TENM2: variants seen among roughly 807,000 people sequenced by gnomAD.
TENM2 encodes the protein teneurin transmembrane protein 2.
A neutral mutation model predicts 245.2 loss-of-function variants in TENM2; 52 were observed. The observed-to-expected ratio is 0.21, with a 90% CI of 0.17 to 0.27. The LOEUF is 0.27. TENM2 is among the 10% of genes least tolerant of loss of function. The probability of loss-of-function intolerance (pLI) is 1.00; values close to 1 mark genes in which losing one functional copy is unlikely to be tolerated. For synonymous variants in TENM2, 1,363 were observed against 1,438.9 expected (o/e 0.95, Z 1.19); for missense variants, 3,046 against 3,666.8 (o/e 0.83, Z 4.37).
intron 2 of TENM2, among the ~76,000 whole-genome samples, chr5:167,517,445 G>A (rs894469206): frequency 2.0e-5 from 3 of 152,100 alleles, no homozygotes; most frequent in African/African-American, 7.2e-5. Flanking sequence ...ATAATGGATG[G>A]TCTCAGAAGG....
At chr5:167,703,487 G>T (rs565038716) in intron 2 of TENM2, among the ~76,000 whole-genome samples, 1 of 133,408 alleles carries the variant, frequency 7.5e-6, no homozygotes, top group East Asian at 2.6e-4. Context: ...AGCCAAGATC[G>T]CACCAATGTA....
intron 2 of TENM2, among the ~76,000 whole-genome samples, chr5:167,422,128 T>G (rs1360692468): frequency 6.6e-6 from 1 of 152,188 alleles, no homozygotes; most frequent in African/African-American, 2.4e-5. Flanking sequence ...CCCTCTCCAT[T>G]AATAGGATAT....
At chr5:167,561,608 T>A (rs1014433176) in intron 2 of TENM2, among the ~76,000 whole-genome samples, 1 of 152,174 alleles carries the variant, frequency 6.6e-6, no homozygotes, top group Non-Finnish European at 1.5e-5. Context: ...AAATCAGAGA[T>A]GCTGCAAGAG....
chr5:168,004,632 T>A (rs963902279), intron 5 of TENM2, among the ~76,000 whole-genome samples: 3 of 152,066 alleles, frequency 2.0e-5, no homozygotes, highest in Admixed American at 1.3e-4. Context: ...CTTAATAAAG[T>A]ATCTGGACGG....
chr5:167,823,261 A>G (rs191393326), intron 2 of TENM2, among the ~76,000 whole-genome samples: 7 of 152,288 alleles, frequency 4.6e-5, no homozygotes, highest in Middle Eastern at 3.4e-3. Flanking sequence ...TCAGATGCTT[A>G]GAATGCTTAG....
At chr5:167,805,101 T>C (rs1766056875) in intron 2 of TENM2, among the ~76,000 whole-genome samples, 1 of 152,010 alleles carries the variant, frequency 6.6e-6, no homozygotes, top group African/African-American at 2.4e-5. Flanking sequence ...TTGAATAAAC[T>C]TGGAATAGGT....
intron 2 of TENM2, among the ~76,000 whole-genome samples, chr5:167,836,542 C>T (rs1000397975): frequency 1.6e-4 from 25 of 152,014 alleles, no homozygotes; most frequent in African/African-American, 5.6e-4. Context: ...TTTGTAGCTA[C>T]CTGACAAAAA....
At chr5:167,295,509 G>A (rs111746226) in intron 1 of TENM2, among the ~76,000 whole-genome samples, 9 of 152,276 alleles carry the variant, frequency 5.9e-5, no homozygotes, top group East Asian at 1.9e-4. Flanking sequence ...AGTGAGAGAC[G>A]GAAGAATTGC....
intron 5 of TENM2, among the ~76,000 whole-genome samples, chr5:168,031,446 C>T (rs2151953820): frequency 6.6e-6 from 1 of 152,304 alleles, no homozygotes; most frequent in South Asian, 2.1e-4. Flanking sequence ...GGACAGTTCA[C>T]ACAATAATTG....
intron 1 of TENM2, among the ~76,000 whole-genome samples, chr5:167,374,896 C>T (rs1224847230): frequency 1.3e-5 from 2 of 152,104 alleles, no homozygotes; most frequent in Admixed American, 6.5e-5. Context: ...TATTTTGATA[C>T]GTTCCGGGTT....
intron 9 of TENM2, among the ~76,000 whole-genome samples, chr5:168,112,607 G>GGGGA (rs1554199695): frequency 3.6e-5 from 1 of 27,500 alleles, no homozygotes; most frequent in South Asian, 9.3e-4. Flanking sequence ...TGCAGTGGGC[G>GGGGA]GGGGGGGGGT....
At chr5:167,857,647 A>G (rs992041102) in intron 2 of TENM2, among the ~76,000 whole-genome samples, 1 of 152,200 alleles carries the variant, frequency 6.6e-6, no homozygotes, top group African/African-American at 2.4e-5. Context: ...AGAAAACCCA[A>G]TATTTCAAAG....
chr5:167,399,636 C>T (rs745998063), intron 2 of TENM2, among the ~76,000 whole-genome samples: 7 of 152,086 alleles, frequency 4.6e-5, no homozygotes, highest in Non-Finnish European at 1.0e-4. Flanking sequence ...TTGTCACTTC[C>T]TAGCTTTTGG....
Position 167,322,930 on chromosome 5 carries a change from C to T in TENM2, c.226+37867C>T, listed in dbSNP as rs531927283. Among the ~76,000 whole-genome samples, 3 of 152,318 alleles carry T rather than the reference C, an allele frequency of 2.0e-5. No individual in the cohort carries two copies. In the East Asian group the frequency reaches 5.8e-4, roughly 29 times the overall value. ...CATCTCATAAATAGCGGGGTATTTC[C>T]TTTAGCAATTATAATTCACAGAATA... On this transcript the variant is annotated intron_variant, in intron 1 of 28. Coordinates refer to ENST00000518659, the Ensembl canonical transcript of TENM2.
chr5:168,079,360 A>G (rs374656617), intron 7 of TENM2, among the ~76,000 whole-genome samples: 4 of 152,076 alleles, frequency 2.6e-5, no homozygotes, highest in Non-Finnish European at 4.4e-5. Context: ...TAAATATACA[A>G]TCATGTCATC....
At chr5:167,091,488 A>G in the TENM2 span, among the ~76,000 whole-genome samples, 1 of 152,184 alleles carries the variant, frequency 6.6e-6, no homozygotes, top group East Asian at 1.9e-4. Flanking sequence ...GTAGGCATAT[A>G]TATAGTCAGG....
the TENM2 span, among the ~76,000 whole-genome samples, chr5:167,113,131 C>A: frequency 6.6e-6 from 1 of 152,090 alleles, no homozygotes; most frequent in Non-Finnish European, 1.5e-5. Flanking sequence ...AATCAGGTCA[C>A]TGCCCGGGAG....
intron 2 of TENM2, among the ~76,000 whole-genome samples, chr5:167,564,691 T>C (rs13186288): frequency 0.6 from 90,594 of 151,980 alleles, 27,536 homozygotes; most frequent in East Asian, 0.71. Context: ...CAGTTTCATC[T>C]AGCTGGTGGG....
chr5:167,498,726 C>T (rs1267562371), intron 2 of TENM2, among the ~76,000 whole-genome samples: 2 of 151,796 alleles, frequency 1.3e-5, no homozygotes, highest in Non-Finnish European at 2.9e-5. Context: ...GATGACAAAA[C>T]ATGAATTAAG....
Sources: allele counts gnomAD v4.1 joint callset (sites outside exome capture counted in the v4.1 genomes callset), GRCh38; gene constraint gnomAD v4.1.1; transcripts MANE v1.5; gene names NCBI Gene and HGNC (gene_info 2026-07-23, HGNC 2026-07-21).